The following PLET1 variants were observed in gnomAD, a reference collection of about 807,000 sequenced individuals.
PLET1 encodes placenta-expressed transcript 1 protein.
Under a neutral mutation model 18.5 loss-of-function variants are expected in PLET1, and 20 were observed. That is an observed-to-expected ratio of 1.08 (90% confidence interval 0.76 to 1.57). The LOEUF (loss-of-function observed/expected upper bound fraction) is 1.57. Among genes scored for constraint, PLET1 ranks in the 40% most tolerant of loss-of-function variants. PLET1 has a pLI of 0.00. For synonymous variants in PLET1, 93 were observed against 93.8 expected, an observed-to-expected ratio of 0.99 and a Z score of 0.05; for missense variants, 256 against 246.4, an observed-to-expected ratio of 1.04 and a Z score of -0.26.
chr11:112,256,216 C>A (rs1286438110), intron 1 of PLET1, among the ~76,000 whole-genome samples: 1 of 152,174 alleles, frequency 6.6e-6, no homozygotes, highest in Admixed American at 6.5e-5. Flanking sequence ...TTTCAGCCTT[C>A]GGATGTGTAA....
At chr11:112,260,366 C>T (rs2135420129) in intron 1 of PLET1, 40 bp downstream of exon 1, 1 of 1,507,888 alleles carries the variant, frequency 6.6e-7, no homozygotes, top group South Asian at 1.2e-5. Flanking sequence ...TAATTTCCCT[C>T]AGGGAACAAA....
At chr11:112,258,604 T>C (rs1860251045) in intron 1 of PLET1, among the ~76,000 whole-genome samples, 1 of 152,180 alleles carries the variant, frequency 6.6e-6, no homozygotes, top group African/African-American at 2.4e-5. Context: ...CTTTCCTCCA[T>C]TGCATTAGCA....
chr11:112,252,195 T>C (rs867317016), intron 3 of PLET1, among the ~76,000 whole-genome samples, 153 bp downstream of exon 3: 2 of 152,110 alleles, frequency 1.3e-5, no homozygotes, highest in Non-Finnish European at 2.9e-5. Flanking sequence ...TGGGCAAATA[T>C]TCTATAGGTC....
At chr11:112,255,621 A>T (rs778650786) in intron 1 of PLET1, 32 bp from the exon 2 acceptor site, 8 of 1,538,906 alleles carry the variant, frequency 5.2e-6, no homozygotes, top group Non-Finnish European at 5.3e-6. Context: ...GCAATCAGCC[A>T]TCTGTTCCCT....
In PLET1 at chr11:112,260,190, C is replaced by T. The variant is rs143153305; in HGVS notation, c.184+216G>A. Reference sequence around the variant, plus strand: ...AGTGAATCTGGGGTTGGGGCTTTCTCGCTCCTGTGGCTTGAGTTCACAAGG... The same window carrying T: ...AGTGAATCTGGGGTTGGGGCTTTCTTGCTCCTGTGGCTTGAGTTCACAAGG... On this transcript the variant is annotated intron_variant, in intron 1 of 3. Coordinates refer to ENST00000338832, the MANE Select transcript of PLET1 (RefSeq NM_001145024.1). 2,054 of 507,524 alleles carry T rather than the reference C, an allele frequency of 4.0e-3. 3 individuals are homozygous for T. The highest frequency in any genetic ancestry group is 5.3e-3 in the Admixed American group (144 of 27,364). The allele number at this position is 507,524 out of a possible 1,614,324, so 31.4% of individuals were successfully genotyped here. A position where few individuals can be genotyped will look rare whatever the true frequency, so the allele number is the denominator to read the frequency against.
At chr11:112,259,158 T>C (rs1341527911) in intron 1 of PLET1, among the ~76,000 whole-genome samples, 7 of 152,236 alleles carry the variant, frequency 4.6e-5, no homozygotes, top group East Asian at 1.9e-4. Flanking sequence ...TAACAACATC[T>C]ACTTCTAAAA....
chr11:112,257,628 CA>C (rs1044943078), intron 1 of PLET1, among the ~76,000 whole-genome samples: 2 of 151,868 alleles, frequency 1.3e-5, no homozygotes, highest in African/African-American at 4.8e-5. Context: ...TTTAAAAAGG[CA>C]GATCCTTGCT....
rs189322508 is a variant in PLET1, at chr11:112,260,483, G to C, written c.107C>G (p.Thr36Ser). Residue 36 changes from threonine to serine, a missense_variant, in exon 1 of 4, where the codon ACC becomes AGC. Thr to Ser is a moderately conservative substitution (Grantham distance 58, BLOSUM62 1). Coordinates refer to ENST00000338832, the MANE Select transcript of PLET1 (RefSeq NM_001145024.1). ...GGTTATGGTGTAGTATTCATCAAAG[G>C]TGAAGCAGGTGCTACTGTACCTTAT... Reference protein sequence around the residue: ...TFIRYSSTCFTFDEYYTITLD... With the variant: ...TFIRYSSTCFSFDEYYTITLD... The C allele has an allele frequency of 3.2e-6, 5 of 1,551,640 alleles. No individual in the cohort carries two copies. In the African/African-American group the frequency reaches 6.8e-5, roughly 21 times the overall value.
intron 1 of PLET1, among the ~76,000 whole-genome samples, chr11:112,258,621 T>C (rs1189874100): frequency 6.6e-6 from 1 of 152,188 alleles, no homozygotes; most frequent in African/African-American, 2.4e-5. Context: ...AGCAAAATCT[T>C]TCACCTGGAG....
intron 2 of PLET1, among the ~76,000 whole-genome samples, chr11:112,254,442 CGT>C (rs1275390903): frequency 3.5e-5 from 4 of 114,068 alleles, no homozygotes; most frequent in South Asian, 6.2e-4. Flanking sequence ...GTGGTATGTA[CGT>C]GTGTGTGGTG....
At chr11:112,251,868 C>T (rs1012254558) in intron 3 of PLET1, among the ~76,000 whole-genome samples, 2 of 152,176 alleles carry the variant, frequency 1.3e-5, no homozygotes, top group Non-Finnish European at 2.9e-5. Flanking sequence ...GGCCACAGGC[C>T]ACTGTAAGAA....
chr11:112,250,529 T>C (rs1168392056), intron 3 of PLET1, among the ~76,000 whole-genome samples: 1 of 152,214 alleles, frequency 6.6e-6, no homozygotes, highest in Non-Finnish European at 1.5e-5. Flanking sequence ...GGGATAGTTT[T>C]CTTTACATCA....
Position 112,260,405 on chromosome 11 carries a change from C to T in PLET1, c.184+1G>A, listed in dbSNP as rs992093647. ...CAGCAGAGAGCATGGCTTCTACTCA[C>T]CAGAATAGACTGCATTGCTTTCGTA... On this transcript the variant is annotated splice_donor_variant, in intron 1 of 3. Transcript: ENST00000338832. LOFTEE classifies it high-confidence loss of function. The T allele has an allele frequency of 1.3e-6, 2 of 1,550,100 alleles. No homozygotes were observed. The highest frequency in any genetic ancestry group is 1.2e-5 in the South Asian group (1 of 83,926).
chr11:112,249,168 A>G (rs1243532574), intron 3 of PLET1, among the ~76,000 whole-genome samples, 194 bp from the exon 4 acceptor site: 11 of 152,202 alleles, frequency 7.2e-5, no homozygotes, highest in Admixed American at 3.9e-4. Flanking sequence ...TTAAACACAC[A>G]GGGTTAAGTA....
chr11:112,249,344 A>G (rs1307992374), intron 3 of PLET1, among the ~76,000 whole-genome samples: 2 of 152,180 alleles, frequency 1.3e-5, no homozygotes, highest in Non-Finnish European at 2.9e-5. Context: ...CAGTGCAAAT[A>G]TGATCCAGAA....
At chr11:112,253,146 G>A (rs1275521713) in intron 2 of PLET1, among the ~76,000 whole-genome samples, 3 of 152,164 alleles carry the variant, frequency 2.0e-5, no homozygotes, top group Admixed American at 6.5e-5. Context: ...TGTGATGTAC[G>A]CTGTGATGAA....
At chr11:112,251,319 C>T (rs1860153030) in intron 3 of PLET1, among the ~76,000 whole-genome samples, 1 of 150,896 alleles carries the variant, frequency 6.6e-6, no homozygotes, top group South Asian at 2.1e-4. Context: ...CGTGGTGGCT[C>T]ACGCATGTAA....
chr11:112,255,411 C>G lies in PLET1; in HGVS notation c.363G>C (p.Glu121Asp). ...ACTGTATCTCCACTTCAGTTATGTT[C>G]TCAGGTTCAGGAGCTTGCCACTGTG... is the stretch of plus-strand genomic sequence containing the variant. ...LEAQWQAPEP[E>D]NITEVEIQAF... The change falls in exon 2 of 4, where the codon GAG becomes GAC. Residue 121 changes from glutamate (E) to aspartate (D), a missense_variant. Coordinates refer to ENST00000338832, the MANE Select transcript of PLET1 (RefSeq NM_001145024.1). 6 of 1,552,254 alleles carry G rather than the reference C, an allele frequency of 3.9e-6. No individual in the cohort carries two copies. The highest frequency in any genetic ancestry group is 4.4e-6 in the Non-Finnish European group (5 of 1,147,064).
intron 3 of PLET1, among the ~76,000 whole-genome samples, chr11:112,249,913 C>T (rs1042347819): frequency 4.9e-5 from 7 of 143,564 alleles, no homozygotes; most frequent in Non-Finnish European, 1.0e-4. Flanking sequence ...ACGGAGGTTG[C>T]GCTACTGCAT....
Sources: allele counts gnomAD v4.1 joint callset (sites outside exome capture counted in the v4.1 genomes callset), GRCh38; gene constraint gnomAD v4.1.1; transcripts MANE v1.5; gene names NCBI Gene and HGNC (gene_info 2026-07-23, HGNC 2026-07-21).